The following ADGRA2 variants were observed in gnomAD, a reference collection of about 807,000 sequenced individuals.
ADGRA2 encodes the protein adhesion G protein-coupled receptor A2, also known as G-protein coupled receptor 124.
ADGRA2 carries 61 observed loss-of-function variants against 98.7 expected under a neutral mutation model. The ratio of observed to expected loss-of-function variants is 0.62; its 90% CI spans 0.50 to 0.76. The LOEUF (loss-of-function observed/expected upper bound fraction) is 0.76, where lower values mean the gene tolerates loss of function less well. Among genes scored for constraint, ADGRA2 ranks in the 30% least tolerant of loss-of-function variants. The pLI, the probability that ADGRA2 is intolerant of heterozygous loss-of-function variation, is 0.00. For missense variants in ADGRA2, 1,712 were observed against 1,860.0 expected, an observed-to-expected ratio of 0.92 and a Z score of 1.46; for synonymous variants, 858 against 831.5, an observed-to-expected ratio of 1.03 and a Z score of -0.55.
intron 13 of ADGRA2, 53 bp downstream of exon 13, chr8:37,835,823 T>C (rs1004125058): frequency 5.1e-6 from 6 of 1,187,746 alleles, no homozygotes; most frequent in African/African-American, 1.5e-5. Context: ...GTGTCCGCCC[T>C]GTTCCCCTTT....
intron 8 of ADGRA2, among the ~76,000 whole-genome samples, chr8:37,832,208 A>G (rs1257208892): frequency 6.6e-6 from 1 of 151,590 alleles, no homozygotes; most frequent in Admixed American, 6.6e-5. Context: ...CTGTGCCACC[A>G]TGCCCAGCTA....
intron 7 of ADGRA2, 116 bp downstream of exon 7, chr8:37,831,039 T>C: frequency 1.4e-6 from 1 of 724,148 alleles, no homozygotes; most frequent in Non-Finnish European, 2.3e-6. Flanking sequence ...ACTGTGCTTG[T>C]ATATTTATGG....
chr8:37,799,945 C>T (rs1018688043), intron 1 of ADGRA2, among the ~76,000 whole-genome samples: 3 of 152,118 alleles, frequency 2.0e-5, no homozygotes, highest in Non-Finnish European at 2.9e-5. Context: ...CAGCTGGCTT[C>T]GGAAAGAAAA....
In ADGRA2 at chr8:37,830,606, G is replaced by A. The variant is rs547844151; in HGVS notation, c.719-104G>A. 7 of 677,714 alleles carry A rather than the reference G, an allele frequency of 1.0e-5. No individual in the cohort carries two copies. In the Admixed American group the frequency reaches 1.2e-4, roughly 11 times the overall value. 42.0% of individuals were successfully genotyped at this position (677,714 alleles called of 1,614,324 possible). ...TCCCAGCTGGAGCAGGCTGCAGGCC[G>A]AGGGCCCCGCCCCGCCCCACCCCAT... On this transcript the variant is annotated intron_variant, in intron 6 of 18. Transcript: ENST00000412232. The surrounding 1 kb of genome is among the most constrained non-coding windows in gnomAD (Gnocchi z 4.8).
intron 1 of ADGRA2, among the ~76,000 whole-genome samples, chr8:37,801,928 G>A (rs908021387): frequency 6.6e-6 from 1 of 152,232 alleles, no homozygotes; most frequent in Non-Finnish European, 1.5e-5. Context: ...ATTCCAGGCT[G>A]GGCAAGGAGA....
At chr8:37,837,083 TGTAA>T (rs1805635461) in intron 13 of ADGRA2, among the ~76,000 whole-genome samples, 1 of 152,124 alleles carries the variant, frequency 6.6e-6, no homozygotes, top group Non-Finnish European at 1.5e-5. Flanking sequence ...AGCAGCTCGT[TGTAA>T]GTGAGAAGCA....
intron 2 of ADGRA2, among the ~76,000 whole-genome samples, chr8:37,827,329 G>T (rs528610001): frequency 3.3e-5 from 5 of 152,362 alleles, no homozygotes; most frequent in South Asian, 2.1e-4. Flanking sequence ...GGTCTTCTGT[G>T]GTCCTGCCTG....
chr8:37,825,216 G>C (rs558962962), intron 2 of ADGRA2, among the ~76,000 whole-genome samples: 11 of 152,178 alleles, frequency 7.2e-5, no homozygotes, highest in Admixed American at 3.9e-4. Flanking sequence ...AGAAACGGAG[G>C]GATCAGATCA....
intron 7 of ADGRA2, among the ~76,000 whole-genome samples, chr8:37,831,209 G>A (rs1805442473): frequency 6.6e-6 from 1 of 152,196 alleles, no homozygotes; most frequent in South Asian, 2.1e-4. Flanking sequence ...ACCTGCAAGA[G>A]AGATATTATT....
Position 37,802,016 on chromosome 8 carries a change from C to G in ADGRA2, c.266+4482C>G, listed in dbSNP as rs922576443. ...CATTCAGGGAAGCGGGGGTGCCCAC[C>G]ACGCAGGCTGCCCACCTAGGGGAGA... On this transcript the variant is annotated intron_variant, in intron 1 of 18. Transcript: ENST00000412232. The surrounding 1 kb of genome is among the most constrained non-coding windows in gnomAD (Gnocchi z 4.7). Among the ~76,000 whole-genome samples, 8 of 152,244 alleles carry G rather than the reference C, an allele frequency of 5.3e-5. No individual in the cohort carries two copies. The highest frequency in any genetic ancestry group is 1.7e-4 in the African/African-American group (7 of 41,472).
In ADGRA2 at chr8:37,827,120, G is replaced by T. The variant is rs144414111; in HGVS notation, c.339-1768G>T. 4.5e-3 allele frequency among the ~76,000 whole-genome samples: 693 copies of T among 152,370 alleles called. 6 individuals are homozygous for T. The highest frequency in any genetic ancestry group is 0.016 in the African/African-American group (657 of 41,594). ...TGCCTCCATCTCAGACCCAGCACAG[G>T]GAGGCCCACTGGGCTGTGAGGCCCA... On this transcript the variant is annotated intron_variant, in intron 2 of 18. Coordinates refer to ENST00000412232, the MANE Select transcript of ADGRA2 (RefSeq NM_032777.10).
At position 37,844,023 on chromosome 8, in the gene ADGRA2, G is replaced by T. The variant is rs116700191; in HGVS notation, c.*1668G>T. The T allele has an allele frequency of 7.2e-3, 1,206 of 167,064 alleles. 21 individuals carry two copies. The highest frequency in any genetic ancestry group is 0.027 in the African/African-American group (1,146 of 41,992). The allele number at this position is 167,064 out of a possible 1,614,324, so 10.3% of individuals were successfully genotyped here. A position where few individuals can be genotyped will look rare whatever the true frequency, so the allele number is the denominator to read the frequency against. ...TTTGTTATGAGGTAGAGGATCTCAT[G>T]ACACCATACACACAAACCCATCATT... On this transcript the variant is annotated 3_prime_UTR_variant, in exon 19 of 19. Coordinates refer to ENST00000412232, the MANE Select transcript of ADGRA2 (RefSeq NM_032777.10).
At chr8:37,800,496 T>C (rs969458530) in intron 1 of ADGRA2, among the ~76,000 whole-genome samples, 36 of 152,270 alleles carry the variant, frequency 2.4e-4, no homozygotes, top group African/African-American at 6.0e-4. Flanking sequence ...ATTAAGACCA[T>C]TGCCTTTATT....
intron 1 of ADGRA2, among the ~76,000 whole-genome samples, chr8:37,804,100 G>GAGACAT (rs1310425865): frequency 9.3e-6 from 1 of 107,104 alleles, no homozygotes; most frequent in African/African-American, 3.7e-5. Context: ...CCCACGGTGA[G>GAGACAT]ACACACACAC....
chr8:37,842,332 T>C lies in ADGRA2; in HGVS notation c.3994T>C (p.Trp1332Arg). 1 of 1,511,644 alleles carries C rather than the reference T, an allele frequency of 6.6e-7. No individual in the cohort carries two copies. The highest frequency in any genetic ancestry group is 1.3e-5 in the South Asian group (1 of 77,844). 93.6% of individuals were successfully genotyped at this position (1,511,644 alleles called of 1,614,324 possible). ...CGGCGGCTGCATGAAGACCGGACTC[T>C]GGAAGAGCGAAACTACCGTCTAAGG... Reference protein sequence around the residue: ...ASGGCMKTGLWKSETTV With the variant: ...ASGGCMKTGLRKSETTV The change falls in exon 19 of 19, where the codon TGG (tryptophan) becomes CGG (arginine). Residue 1332 changes from tryptophan to arginine, a missense_variant. Physicochemically the swap from Trp to Arg is moderately radical, Grantham distance 101 (BLOSUM62 -3). Transcript: ENST00000412232.
chr8:37,836,038 AACACACACAC>A (rs58082798), intron 13 of ADGRA2, among the ~76,000 whole-genome samples: 9,836 of 124,504 alleles, frequency 0.079, 468 homozygotes, highest in African/African-American at 0.095. Flanking sequence ...AGCCCCCTCC[AACACACACAC>A]ACACACACAC....
intron 1 of ADGRA2, among the ~76,000 whole-genome samples, chr8:37,803,192 G>A (rs1804558439): frequency 6.6e-6 from 1 of 152,242 alleles, no homozygotes; most frequent in Admixed American, 6.5e-5. Context: ...GAGTCATTGG[G>A]AGAAGAACCC....
chr8:37,840,937 C>G, intron 18 of ADGRA2, 88 bp downstream of exon 18: 1 of 1,135,784 alleles, frequency 8.8e-7, no homozygotes, highest in Non-Finnish European at 1.3e-6. Flanking sequence ...CCAGGTCCAC[C>G]CAGCCATAAC....
chr8:37,833,160 C>G lies in ADGRA2; in HGVS notation c.1248C>G (p.His416Gln), dbSNP rs770612185. 5.0e-6 allele frequency: 8 copies of G among 1,613,216 alleles called. No homozygotes were observed. Among genetic ancestry groups the G allele is most frequent in the Non-Finnish European group, 5.9e-6 (7 of 1,179,842 alleles). ...AGRWEPGDYS[H>Q]CLYTNDITRV... ...GCTGGGAGCCAGGGGACTACTCCCACTGTCTCTACACCAACGACATCACCA... is the reference window on the plus strand; with the variant it reads ...GCTGGGAGCCAGGGGACTACTCCCAGTGTCTCTACACCAACGACATCACCA... The change falls in exon 9 of 19, where the codon CAC becomes CAG. Residue 416 changes from histidine to glutamine, a missense_variant. Transcript: ENST00000412232.
Sources: allele counts gnomAD v4.1 joint callset (sites outside exome capture counted in the v4.1 genomes callset), GRCh38; gene constraint gnomAD v4.1.1; non-coding constraint Gnocchi (gnomAD v3.1); transcripts MANE v1.5; gene names NCBI Gene and HGNC (gene_info 2026-07-23, HGNC 2026-07-21).